ITPRID1: variants seen among roughly 807,000 people sequenced by gnomAD.
ITPRID1 encodes ITPR interacting domain containing 1.
ITPRID1 carries 96 observed loss-of-function variants against 95.4 expected under a neutral mutation model. That is an observed-to-expected ratio of 1.01 (90% CI 0.85 to 1.19). The LOEUF (loss-of-function observed/expected upper bound fraction) is 1.19. Ranked by LOEUF, ITPRID1 falls within the 50% of genes most tolerant of loss-of-function variation. ITPRID1 has a pLI of 0.00. For synonymous variants in ITPRID1, 510 were observed against 453.6 expected (o/e 1.12, Z -1.58); for missense variants, 1,339 against 1,252.9 (o/e 1.07, Z -1.04).
chr7:31,592,792 A>G (rs1785923130), intron 10 of ITPRID1, among the ~76,000 whole-genome samples: 1 of 152,148 alleles, frequency 6.6e-6, no homozygotes, highest in South Asian at 2.1e-4. Flanking sequence ...GGGGTTGGGG[A>G]ACACTGCTCT....
At chr7:31,534,696 T>C (rs183539564) in intron 1 of ITPRID1, among the ~76,000 whole-genome samples, 31 of 152,258 alleles carry the variant, frequency 2.0e-4, no homozygotes, top group Non-Finnish European at 4.0e-4. Context: ...TGATTTTTTT[T>C]CTATCCAGTT....
intron 1 of ITPRID1, among the ~76,000 whole-genome samples, chr7:31,547,905 C>A (rs1784153025): frequency 6.6e-6 from 1 of 152,008 alleles, no homozygotes; most frequent in African/African-American, 2.4e-5. Context: ...AACTCACAGG[C>A]TGGACCAGAT....
rs761697612 is a variant in ITPRID1, at chr7:31,643,945, C to T, written c.2575C>T (p.Leu859=). ...KALQDTTVRE[L]CSCTVHEMEA... ...CCTTCAGGACACTACAGTGAGGGAG[C>T]TATGTTCCGTAAGTGTTCACCCTGG... Residue 859 remains leucine, a synonymous_variant, in exon 12 of 15, where the codon CTA becomes TTA. Coordinates refer to ENST00000615280, the MANE Select transcript of ITPRID1 (RefSeq NM_001257967.3). 8 of 1,608,468 alleles carry T rather than the reference C, an allele frequency of 5.0e-6. No individual in the cohort carries two copies. Among genetic ancestry groups the T allele is most frequent in the Non-Finnish European group, 6.8e-6 (8 of 1,177,480 alleles).
intron 5 of ITPRID1, among the ~76,000 whole-genome samples, chr7:31,563,595 A>G (rs1583502359): frequency 1.3e-5 from 2 of 152,330 alleles, no homozygotes; most frequent in Middle Eastern, 6.8e-3. Context: ...GAGTTGAAGC[A>G]AGCATGTTAC....
chr7:31,616,631 A>G (rs1444453567), intron 10 of ITPRID1, among the ~76,000 whole-genome samples: 1 of 152,212 alleles, frequency 6.6e-6, no homozygotes, highest in African/African-American at 2.4e-5. Context: ...TTAGAAATAA[A>G]TAGTATCTTA....
chr7:31,595,108 G>A (rs1583548059), intron 10 of ITPRID1, among the ~76,000 whole-genome samples: 1 of 113,474 alleles, frequency 8.8e-6, no homozygotes, highest in East Asian at 2.5e-4. Flanking sequence ...GTCTTGCTCT[G>A]TCACCCAGGC....
At chr7:31,619,989 G>A (rs38342) in intron 10 of ITPRID1, among the ~76,000 whole-genome samples, 38,549 of 152,166 alleles carry the variant, frequency 0.25, 5,294 homozygotes, top group Non-Finnish European at 0.3. Flanking sequence ...CTACGCCCAC[G>A]GAGTCTCGCT....
rs187139904 is a variant in ITPRID1, at chr7:31,588,119, G to C, written c.1228+4928G>C. Reference sequence around the variant, plus strand: ...TTTCTGATGCTAAGTAACTCCTAATGAGCCAACCCTCCCACAGAGAATAAT... The same window carrying C: ...TTTCTGATGCTAAGTAACTCCTAATCAGCCAACCCTCCCACAGAGAATAAT... On this transcript the variant is annotated intron_variant, in intron 10 of 14. Transcript: ENST00000615280. Among the ~76,000 whole-genome samples, 26 of 152,138 alleles carry C rather than the reference G, an allele frequency of 1.7e-4. No homozygotes were observed. The East Asian group carries it at 4.8e-3, about 28-fold the overall frequency.
chr7:31,530,724 G>A (rs1334576872), intron 1 of ITPRID1, among the ~76,000 whole-genome samples: 2 of 151,994 alleles, frequency 1.3e-5, no homozygotes, highest in Admixed American at 6.6e-5. Flanking sequence ...ACAGTATTGG[G>A]AAGTGACTTA....
At chr7:31,619,113 A>G (rs1253926009) in intron 10 of ITPRID1, among the ~76,000 whole-genome samples, 1 of 152,168 alleles carries the variant, frequency 6.6e-6, no homozygotes, top group Non-Finnish European at 1.5e-5. Context: ...ATCTGTGTAT[A>G]TTAGTCACAA....
chr7:31,535,958 T>C (rs1329557609), intron 1 of ITPRID1, among the ~76,000 whole-genome samples: 1 of 152,118 alleles, frequency 6.6e-6, no homozygotes, highest in East Asian at 1.9e-4. Flanking sequence ...ATGGTGTGAC[T>C]CAGTGTAGTG....
intron 10 of ITPRID1, among the ~76,000 whole-genome samples, chr7:31,594,640 T>G (rs572935925): frequency 2.6e-4 from 40 of 152,216 alleles, no homozygotes; most frequent in African/African-American, 9.4e-4. Context: ...GTGGATCACC[T>G]GAGGTCAGAA....
chr7:31,550,118 CTT>C (rs995446792), intron 2 of ITPRID1, among the ~76,000 whole-genome samples: 1 of 148,086 alleles, frequency 6.8e-6, no homozygotes, highest in Admixed American at 6.7e-5. Flanking sequence ...ATTTTGGTAC[CTT>C]TTTTTTTCCT....
intron 10 of ITPRID1, among the ~76,000 whole-genome samples, chr7:31,589,715 A>AAT (rs1186003317): frequency 6.6e-6 from 1 of 152,182 alleles, no homozygotes; most frequent in Non-Finnish European, 1.5e-5. Flanking sequence ...ATGCAGCAAA[A>AAT]ATATCCTTCA....
chr7:31,583,654 C>G (rs539432971), intron 10 of ITPRID1, among the ~76,000 whole-genome samples: 3 of 152,028 alleles, frequency 2.0e-5, no homozygotes, highest in African/African-American at 7.2e-5. Flanking sequence ...AACAAAAGAA[C>G]CTACTGGCAA....
At chr7:31,516,114 G>A (rs1783032169) in intron 1 of ITPRID1, among the ~76,000 whole-genome samples, 1 of 152,158 alleles carries the variant, frequency 6.6e-6, no homozygotes, top group South Asian at 2.1e-4. Flanking sequence ...ACGAATTTCA[G>A]TGAATCACAG....
chr7:31,519,620 C>CTCTCTCTCTCTCTCTATATATA, intron 1 of ITPRID1, among the ~76,000 whole-genome samples: 21 of 25,252 alleles, frequency 8.3e-4, no homozygotes, highest in Non-Finnish European at 1.2e-3. Context: ...CTCTCTCTCT[C>CTCTCTCTCTCTCTCTATATATA]TATATATATA....
At chr7:31,582,752 A>G (rs1267253756) in intron 9 of ITPRID1, among the ~76,000 whole-genome samples, 2 of 152,212 alleles carry the variant, frequency 1.3e-5, no homozygotes, top group African/African-American at 4.8e-5. Flanking sequence ...TCTAAGCACT[A>G]TATAGCAATT....
intron 10 of ITPRID1, among the ~76,000 whole-genome samples, chr7:31,606,012 T>C (rs1197613207): frequency 6.6e-6 from 1 of 152,202 alleles, no homozygotes; most frequent in East Asian, 1.9e-4. Context: ...CATTAGCCAA[T>C]AGGTTTTGAA....
Sources: allele counts gnomAD v4.1 joint callset (sites outside exome capture counted in the v4.1 genomes callset), GRCh38; gene constraint gnomAD v4.1.1; transcripts MANE v1.5; gene names NCBI Gene and HGNC (gene_info 2026-07-23, HGNC 2026-07-21).